The following RCOR1 variants were observed in gnomAD, a reference collection of about 807,000 sequenced individuals.
RCOR1 encodes the protein REST corepressor.
A neutral mutation model predicts 64.0 loss-of-function variants in RCOR1; 12 were observed. The observed-to-expected ratio is 0.19, with a 90% CI of 0.12 to 0.30. RCOR1 has a LOEUF of 0.30. RCOR1 is among the 10% of genes least tolerant of loss of function. The probability of loss-of-function intolerance (pLI) is 1.00; values close to 1 mark genes in which losing one functional copy is unlikely to be tolerated. For missense variants in RCOR1, 502 were observed against 621.2 expected (o/e 0.81, Z 2.04); for synonymous variants, 279 against 227.2 (o/e 1.23, Z -2.05).
chr14:102,618,034 G>C (rs1294599478), intron 2 of RCOR1, among the ~76,000 whole-genome samples: 2 of 148,176 alleles, frequency 1.3e-5, no homozygotes, highest in African/African-American at 5.0e-5. Context: ...GAGTGGAGTG[G>C]CATGATCTCA....
In RCOR1 at chr14:102,673,775, C is replaced by G. The variant is rs77599236; in HGVS notation, c.362-8120C>G. Among the ~76,000 whole-genome samples the G allele has an allele frequency of 5.4e-3, 825 of 152,212 alleles. 18 individuals are homozygous for G. The East Asian group carries it at 0.075, about 14-fold the overall frequency. On this transcript the variant is annotated intron_variant, in intron 2 of 11. Transcript: ENST00000262241. ...GGATTACAGGCATGTGCCACCATGC[C>G]TGGCTAATGTTGTGTTTTTAGTAGA...
intron 2 of RCOR1, among the ~76,000 whole-genome samples, chr14:102,679,954 A>C (rs895191107): frequency 6.6e-6 from 1 of 152,240 alleles, no homozygotes; most frequent in Non-Finnish European, 1.5e-5. Flanking sequence ...CGGCAAAAGA[A>C]GGTGCTACAA....
chr14:102,676,094 T>G (rs1234971287), intron 2 of RCOR1, among the ~76,000 whole-genome samples: 1 of 149,596 alleles, frequency 6.7e-6, no homozygotes, highest in Admixed American at 6.7e-5. Context: ...AAATGAAAAG[T>G]CTCCCATGTC....
At chr14:102,643,289 A>C (rs1567419416) in intron 2 of RCOR1, 1 of 967,584 alleles carries the variant, frequency 1.0e-6, no homozygotes, top group Non-Finnish European at 1.2e-6. Flanking sequence ...GTCTCAAAAA[A>C]AAGAGGAATG....
chr14:102,594,512 G>A (rs943724657), intron 2 of RCOR1, among the ~76,000 whole-genome samples: 3 of 152,190 alleles, frequency 2.0e-5, no homozygotes, highest in Non-Finnish European at 2.9e-5. Context: ...TGAGCTCTTG[G>A]ACACTCTGGA....
intron 2 of RCOR1, among the ~76,000 whole-genome samples, chr14:102,654,810 G>A (rs935921612): frequency 4.2e-4 from 28 of 65,946 alleles, no homozygotes; most frequent in African/African-American, 1.6e-3. Flanking sequence ...TTTTTTTCCT[G>A]TTCTTTTCCT....
chr14:102,652,865 A>T lies in RCOR1; in HGVS notation c.362-29030A>T, dbSNP rs113901326. ...GGGAAGATTTGAGGGGAGTGTGGAT[A>T]AAAAACTGTTTGAAAATACCAGCTG... On this transcript the variant is annotated intron_variant, in intron 2 of 11. Coordinates refer to ENST00000262241, the MANE Select transcript of RCOR1 (RefSeq NM_015156.4). 3.7e-3 allele frequency among the ~76,000 whole-genome samples: 568 copies of T among 152,294 alleles called. 1 individual carries two copies. Among genetic ancestry groups the T allele is most frequent in the Non-Finnish European group, 6.1e-3 (416 of 68,012 alleles).
Position 102,700,048 on chromosome 14 carries a change from C to T in RCOR1, c.446-1230C>T, listed in dbSNP as rs75687764. Among the ~76,000 whole-genome samples the T allele has an allele frequency of 5.6e-3, 854 of 152,268 alleles. 3 individuals carry two copies. Among genetic ancestry groups the T allele is most frequent in the Non-Finnish European group, 9.0e-3 (610 of 68,028 alleles). ...AATACCAAGCACTGGGTCACGTAAT[C>T]TATCTCTTAAGAATTTTTTAAAACA... On this transcript the variant is annotated intron_variant, in intron 3 of 11. Coordinates refer to ENST00000262241, the MANE Select transcript of RCOR1 (RefSeq NM_015156.4).
At chr14:102,693,290 G>C (rs75987667) in intron 3 of RCOR1, among the ~76,000 whole-genome samples, 4 of 152,016 alleles carry the variant, frequency 2.6e-5, no homozygotes, top group Non-Finnish European at 5.9e-5. Flanking sequence ...CAGACATGCG[G>C]GTTCCATAAG....
chr14:102,708,834 G>A (rs910447193), intron 6 of RCOR1, among the ~76,000 whole-genome samples: 3 of 152,120 alleles, frequency 2.0e-5, no homozygotes, highest in Non-Finnish European at 4.4e-5. Flanking sequence ...TTTAGAAGGG[G>A]TGGCTCCTTT....
intron 7 of RCOR1, among the ~76,000 whole-genome samples, chr14:102,713,955 AG>A (rs1373092007): frequency 1.3e-5 from 2 of 152,252 alleles, no homozygotes; most frequent in African/African-American, 4.8e-5. Context: ...AGAAATTAAT[AG>A]CCGTCATGCA....
chr14:102,703,679 C>T (rs1046995489), intron 4 of RCOR1, among the ~76,000 whole-genome samples: 2 of 152,200 alleles, frequency 1.3e-5, no homozygotes, highest in African/African-American at 4.8e-5. Flanking sequence ...TCTGAAGAGA[C>T]CACAGTGGAG....
intron 3 of RCOR1, among the ~76,000 whole-genome samples, chr14:102,696,458 T>C (rs1185601144): frequency 6.6e-6 from 1 of 152,224 alleles, no homozygotes; most frequent in Admixed American, 6.5e-5. Flanking sequence ...TCGGCCAGGT[T>C]GCACAGGCAG....
chr14:102,653,998 T>TGTTTCTTTCTTTCTTTCTTTGTTTCTTTG, intron 2 of RCOR1, among the ~76,000 whole-genome samples: 1 of 126,612 alleles, frequency 7.9e-6, no homozygotes, highest in African/African-American at 3.3e-5. Flanking sequence ...TTTTTTTTTT[T>TGTTTCTTTCTTTCTTTCTTTGTTTCTTTG]TTTTTGAGAC....
chr14:102,680,875 C>T (rs182227246), intron 2 of RCOR1, among the ~76,000 whole-genome samples: 1 of 152,206 alleles, frequency 6.6e-6, no homozygotes, highest in African/African-American at 2.4e-5. Context: ...ACATCCTCTT[C>T]CCATCTGCAA....
intron 2 of RCOR1, among the ~76,000 whole-genome samples, chr14:102,625,837 A>G (rs1050952399): frequency 1.3e-5 from 2 of 152,074 alleles, no homozygotes; most frequent in Non-Finnish European, 2.9e-5. Context: ...TTATTTCAGT[A>G]TGCCTAATGA....
chr14:102,638,179 A>G (rs1373463076), intron 2 of RCOR1, among the ~76,000 whole-genome samples: 3 of 152,242 alleles, frequency 2.0e-5, no homozygotes, highest in Non-Finnish European at 4.4e-5. Context: ...AAATAGTCCA[A>G]GGACATTATC....
chr14:102,676,268 C>A (rs1182873577), intron 2 of RCOR1, among the ~76,000 whole-genome samples: 10 of 149,888 alleles, frequency 6.7e-5, no homozygotes, highest in African/African-American at 2.5e-4. Flanking sequence ...AGGGGCTCCT[C>A]GCTTCCCAGT....
At position 102,729,876 on chromosome 14, in the gene RCOR1, C is replaced by T. The variant is rs1896336674; in HGVS notation, c.*3370C>T. 1 of 398,960 alleles carries T rather than the reference C, an allele frequency of 2.5e-6. No homozygotes were observed. Among genetic ancestry groups the T allele is most frequent in the Admixed American group, 4.4e-5 (1 of 22,716 alleles). The allele number at this position is 398,960 out of a possible 1,614,324, so 24.7% of individuals were successfully genotyped here. ...GGGCCTCTTTTTCTCTCTTGTCTAG[C>T]CTGTTTCTAAACCGAATGATCCAGG... On this transcript the variant is annotated 3_prime_UTR_variant, in exon 12 of 12. Transcript: ENST00000262241.
Sources: allele counts gnomAD v4.1 joint callset (sites outside exome capture counted in the v4.1 genomes callset), GRCh38; gene constraint gnomAD v4.1.1; transcripts MANE v1.5; gene names NCBI Gene and HGNC (gene_info 2026-07-23, HGNC 2026-07-21).